Variants in INVS observed in about 807,000 individuals in gnomAD.
The protein encoded by INVS is inversion of embryo turning homolog.
Under a neutral mutation model 108.8 loss-of-function variants are expected in INVS, and 86 were observed. That is an observed-to-expected ratio of 0.79 (90% CI 0.66 to 0.95). The LOEUF (loss-of-function observed/expected upper bound fraction) is 0.95, where lower values mean the gene tolerates loss of function less well. INVS is among the 40% of genes least tolerant of loss of function. The probability of loss-of-function intolerance (pLI) is 0.00; values close to 1 mark genes in which losing one functional copy is unlikely to be tolerated. For synonymous variants in INVS, 455 were observed against 473.5 expected, an observed-to-expected ratio of 0.96 and a Z score of 0.51; for missense variants, 1,169 against 1,297.4, an observed-to-expected ratio of 0.90 and a Z score of 1.52.
At chr9:100,211,896 G>A (rs751846993) in intron 3 of INVS, among the ~76,000 whole-genome samples, 1 of 152,150 alleles carries the variant, frequency 6.6e-6, no homozygotes, top group East Asian at 1.9e-4. Context: ...TATTTTTAAA[G>A]ATTTGCTTAA....
chr9:100,288,754 A>AG (rs1260524527), intron 13 of INVS, among the ~76,000 whole-genome samples: 5 of 151,962 alleles, frequency 3.3e-5, no homozygotes, highest in African/African-American at 1.2e-4. Context: ...CCGGGTGGCT[A>AG]GGACCATAGG....
intron 10 of INVS, among the ~76,000 whole-genome samples, chr9:100,263,036 C>T (rs1035433689): frequency 6.6e-6 from 1 of 152,182 alleles, no homozygotes; most frequent in Non-Finnish European, 1.5e-5. Flanking sequence ...AGGCATGAGC[C>T]ACTGCAACTG....
intron 3 of INVS, among the ~76,000 whole-genome samples, chr9:100,148,041 A>C (rs1285620942): frequency 2.7e-5 from 4 of 146,136 alleles, no homozygotes; most frequent in Non-Finnish European, 6.0e-5. Flanking sequence ...AAAAAAAAAA[A>C]TTTAGCCGGC....
At chr9:100,127,702 T>G (rs1052059091) in intron 3 of INVS, among the ~76,000 whole-genome samples, 4 of 152,220 alleles carry the variant, frequency 2.6e-5, no homozygotes, top group Admixed American at 6.5e-5. Context: ...GTTATACTAC[T>G]GAATATGCTA....
intron 3 of INVS, among the ~76,000 whole-genome samples, chr9:100,162,412 A>T (rs1829219815): frequency 6.6e-6 from 1 of 152,148 alleles, no homozygotes; most frequent in Admixed American, 6.5e-5. Context: ...TTAAATCTTT[A>T]TTCTCCGCTG....
rs1833310975 is a variant in INVS at position 100,282,483 on chromosome 9, AAG to A, written c.1785-1834_1785-1833del. Among the ~76,000 whole-genome samples the A allele has an allele frequency of 2.0e-5, 3 of 152,214 alleles. No individual in the cohort carries two copies. The South Asian group carries it at 6.2e-4, about 32-fold the overall frequency. On this transcript the variant is annotated intron_variant, in intron 12 of 16. Coordinates refer to ENST00000262457, the MANE Select transcript of INVS (RefSeq NM_014425.5). ...TCAGGGGCTACTCCATACAGGAAGA[AAG>A]AGTTTCAGAAGGGGAATTTAACAAG...
At chr9:100,172,810 A>T (rs151150487) in intron 3 of INVS, among the ~76,000 whole-genome samples, 97 of 152,342 alleles carry the variant, frequency 6.4e-4, no homozygotes, top group Non-Finnish European at 1.3e-3. Context: ...CACCAGCAAG[A>T]ATAGAGCTTA....
intron 3 of INVS, among the ~76,000 whole-genome samples, chr9:100,225,543 A>G (rs983119094): frequency 6.6e-6 from 1 of 152,234 alleles, no homozygotes; most frequent in Non-Finnish European, 1.5e-5. Context: ...CACTTTGAGT[A>G]TAAATAATAG....
At chr9:100,234,114 C>T (rs1831603008) in intron 5 of INVS, among the ~76,000 whole-genome samples, 1 of 152,112 alleles carries the variant, frequency 6.6e-6, no homozygotes, top group African/African-American at 2.4e-5. Context: ...TGTATGTGTC[C>T]AGGAATTTAT....
chr9:100,169,533 C>A (rs1829472484), intron 3 of INVS, among the ~76,000 whole-genome samples: 1 of 152,074 alleles, frequency 6.6e-6, no homozygotes, highest in Non-Finnish European at 1.5e-5. Flanking sequence ...AAATGTTAAA[C>A]ACAATTTTAT....
chr9:100,265,099 C>T (rs1173674140), intron 11 of INVS, among the ~76,000 whole-genome samples, 171 bp downstream of exon 11: 4 of 152,018 alleles, frequency 2.6e-5, no homozygotes, highest in Non-Finnish European at 5.9e-5. Flanking sequence ...TGCACGATCA[C>T]ACCTGGCCAA....
Position 100,269,573 on chromosome 9 carries a change from T to TG in INVS, c.1572-3290dup, listed in dbSNP as rs1448538908. Among the ~76,000 whole-genome samples, 13 of 152,352 alleles carry TG rather than the reference T, an allele frequency of 8.5e-5. No homozygotes were observed. The East Asian group carries it at 2.3e-3, about 27-fold the overall frequency. On this transcript the variant is annotated intron_variant, in intron 11 of 16. Transcript: ENST00000262457. Reference sequence around the variant, plus strand: ...TAAAGTGATCAAAATACTCCTATAGTGAAAAACCTCTTCCTTTTATGTCTT... The same window carrying TG: ...TAAAGTGATCAAAATACTCCTATAGTGGAAAAACCTCTTCCTTTTATGTCTT...
At chr9:100,232,174 G>A (rs770232939) in intron 5 of INVS, among the ~76,000 whole-genome samples, 12 of 151,136 alleles carry the variant, frequency 7.9e-5, no homozygotes, top group Admixed American at 6.6e-4. Flanking sequence ...GTGTCTGTTC[G>A]TATCCTTTGC....
chr9:100,239,823 T>C (rs1831808166), intron 5 of INVS, among the ~76,000 whole-genome samples: 1 of 151,946 alleles, frequency 6.6e-6, no homozygotes, highest in South Asian at 2.1e-4. Flanking sequence ...AACACAAAAA[T>C]TAGCCAGGTG....
intron 4 of INVS, among the ~76,000 whole-genome samples, chr9:100,228,140 G>A (rs1588105074): frequency 1.3e-5 from 2 of 151,954 alleles, no homozygotes; most frequent in Middle Eastern, 3.4e-3. Flanking sequence ...ACAGGCATGC[G>A]CCACCAGGCC....
chr9:100,148,665 C>T (rs1828708322), intron 3 of INVS, among the ~76,000 whole-genome samples: 1 of 152,178 alleles, frequency 6.6e-6, no homozygotes, highest in African/African-American at 2.4e-5. Context: ...TTATGTTTAA[C>T]ACATTAAAAT....
intron 11 of INVS, among the ~76,000 whole-genome samples, chr9:100,266,709 C>T (rs1832803794): frequency 6.6e-6 from 1 of 152,192 alleles, no homozygotes; most frequent in African/African-American, 2.4e-5. Context: ...CTTTCAGCCT[C>T]ATTTTACGAG....
intron 3 of INVS, among the ~76,000 whole-genome samples, chr9:100,142,970 C>T (rs913472613): frequency 2.6e-5 from 4 of 151,960 alleles, no homozygotes; most frequent in Admixed American, 6.6e-5. Flanking sequence ...AGGGAGAGCA[C>T]GTGTGTTTTT....
chr9:100,133,106 A>G (rs1161947023), intron 3 of INVS, among the ~76,000 whole-genome samples: 1 of 152,238 alleles, frequency 6.6e-6, no homozygotes, highest in African/African-American at 2.4e-5. Flanking sequence ...CTCCATCTCA[A>G]AAAAACAAAA....
Sources: allele counts gnomAD v4.1 joint callset (sites outside exome capture counted in the v4.1 genomes callset), GRCh38; gene constraint gnomAD v4.1.1; transcripts MANE v1.5; gene names NCBI Gene and HGNC (gene_info 2026-07-23, HGNC 2026-07-21).